ADSS1: variants seen among roughly 807,000 people sequenced by gnomAD.
The protein encoded by ADSS1 is adenylosuccinate synthetase isozyme 1.
In ADSS1, 57 loss-of-function variants were observed where a neutral mutation model predicts 59.1. The observed-to-expected ratio is 0.97, with a 90% CI of 0.78 to 1.20. The LOEUF (loss-of-function observed/expected upper bound fraction) is 1.20, where lower values mean the gene tolerates loss of function less well. ADSS1 is among the 50% of genes most tolerant of loss of function. The pLI is 0.00. For synonymous variants in ADSS1, 247 were observed against 249.4 expected, an observed-to-expected ratio of 0.99 and a Z score of 0.09; for missense variants, 603 against 610.3, an observed-to-expected ratio of 0.99 and a Z score of 0.13.
chr14:104,743,383 C>A lies in ADSS1; in HGVS notation c.1073+192C>A. ...GAGGCCTGTGCAGGGTGTGTTGGAG[C>A]CAGCCGTAGGAGCACAAACTCCCAC... On this transcript the variant is annotated intron_variant, in intron 10 of 12. Coordinates refer to ENST00000330877, the MANE Select transcript of ADSS1 (RefSeq NM_152328.5). 10 of 783,012 alleles carry A rather than the reference C, an allele frequency of 1.3e-5. No individual in the cohort carries two copies. The South Asian group carries it at 1.8e-4, about 14-fold the overall frequency. The allele number at this position is 783,012 out of a possible 1,614,324, so 48.5% of individuals were successfully genotyped here.
chr14:104,733,556 G>A lies in ADSS1; in HGVS notation c.193-1464G>A, dbSNP rs76821921. ...CACGGAGGGTCCTGCTTGGGCAGGC[G>A]GGGAAAGGCTATGTGAGACACCCCA... On this transcript the variant is annotated intron_variant, in intron 1 of 12. Coordinates refer to ENST00000330877, the MANE Select transcript of ADSS1 (RefSeq NM_152328.5). Among the ~76,000 whole-genome samples, 471 of 152,326 alleles carry A rather than the reference G, an allele frequency of 3.1e-3. 5 individuals are homozygous for A. The highest frequency in any genetic ancestry group is 0.011 in the African/African-American group (450 of 41,578).
In ADSS1 at chr14:104,741,057, ACG is replaced by A. The variant is rs967108766; in HGVS notation, c.667-58_667-57del. ...TTATGGGCTGGCCAACCTTCTTGGGACGCAGGCCTCCCCTGCCCCAGGCCACA... is the reference window on the plus strand; with the variant it reads ...TTATGGGCTGGCCAACCTTCTTGGGACAGGCCTCCCCTGCCCCAGGCCACA... On this transcript the variant is annotated intron_variant, in intron 7 of 12. Transcript: ENST00000330877. The A allele has an allele frequency of 4.5e-5, 72 of 1,584,492 alleles. No homozygotes were observed. In the African/African-American group the frequency reaches 6.3e-4, roughly 14 times the overall value.
chr14:104,746,270 G>A lies in ADSS1; in HGVS notation c.1206G>A (p.Glu402=). Reference sequence around the variant, plus strand: ...AGATGCTTCAGAAGGTCGAAGTTGAGTATGAAACGCTGCCTGGGTGGAAAG... The same window carrying A: ...AGATGCTTCAGAAGGTCGAAGTTGAATATGAAACGCTGCCTGGGTGGAAAG... ...NQEMLQKVEV[E]YETLPGWKAD... Residue 402 remains glutamate, a synonymous_variant, in exon 12 of 13, where the codon GAG becomes GAA. Transcript: ENST00000330877. 2 of 1,613,524 alleles carry A rather than the reference G, an allele frequency of 1.2e-6. No individual in the cohort carries two copies. Among genetic ancestry groups the A allele is most frequent in the Non-Finnish European group, 1.7e-6 (2 of 1,179,740 alleles).
intron 1 of ADSS1, among the ~76,000 whole-genome samples, chr14:104,731,490 G>A (rs1255784294): frequency 1.3e-5 from 2 of 152,168 alleles, no homozygotes; most frequent in African/African-American, 4.8e-5. Context: ...GCAGCAGTGG[G>A]CATCTTAGGT....
Position 104,741,339 on chromosome 14 carries a change from G to C in ADSS1, c.793+96G>C, listed in dbSNP as rs1259303826. 3.4e-6 allele frequency: 5 copies of C among 1,464,012 alleles called. No homozygotes were observed. In the African/African-American group the frequency reaches 5.7e-5, roughly 17 times the overall value. 90.7% of individuals were successfully genotyped at this position (1,464,012 alleles called of 1,614,324 possible). A position where few individuals can be genotyped will look rare whatever the true frequency, so the allele number is the denominator to read the frequency against. On this transcript the variant is annotated intron_variant, in intron 8 of 12. Coordinates refer to ENST00000330877, the MANE Select transcript of ADSS1 (RefSeq NM_152328.5). The stretch of plus-strand genomic sequence containing the variant: ...GTGGGAACCGATGGGGGAGGGAGGG[G>C]CAGACCCGCTTTCCAAGGCCACAGT...
At chr14:104,736,883 TATATATATATATATATATATA>T (rs1891149106) in intron 2 of ADSS1, among the ~76,000 whole-genome samples, 1 of 44,146 alleles carries the variant, frequency 2.3e-5, no homozygotes, top group African/African-American at 1.3e-4. Flanking sequence ...ACCTAGCTGA[TATATATATATATATATATATA>T]TATATATATG....
In ADSS1 at chr14:104,744,925, C is replaced by T; in HGVS notation, c.1171+16C>T. The T allele has an allele frequency of 6.2e-7, 1 of 1,611,144 alleles. No individual in the cohort carries two copies. Among genetic ancestry groups the T allele is most frequent in the Non-Finnish European group, 8.5e-7 (1 of 1,177,606 alleles). ...TATTTCCCAGGTATGTGAAGTGGGG[C>T]AACCGTTCTGCCTGTTGGGCCGTTT... is the stretch of plus-strand genomic sequence containing the variant. On this transcript the variant is annotated intron_variant, in intron 11 of 12. Transcript: ENST00000330877.
intron 8 of ADSS1, 31 bp downstream of exon 8, chr14:104,741,274 C>A: frequency 6.6e-7 from 1 of 1,525,326 alleles, no homozygotes; most frequent in Non-Finnish European, 8.8e-7. Flanking sequence ...GTGCCAACGA[C>A]CTTTCGTGCC....
chr14:104,735,041 A>G lies in ADSS1; in HGVS notation c.214A>G (p.Thr72Ala). ...RCQGGNNAGH[T>A]VVVDGKEYDF... ...CCAGGGGGGCAACAACGCCGGCCAC[A>G]CGGTGGTGGTGGATGGGAAAGAGTA... The change falls in exon 2 of 13, where the codon ACG becomes GCG. Residue 72 changes from threonine (T) to alanine (A), a missense_variant. Physicochemically the swap from Thr to Ala is moderately conservative, Grantham distance 58. Transcript: ENST00000330877. 1 of 1,613,374 alleles carries G rather than the reference A, an allele frequency of 6.2e-7. No homozygotes were observed. The highest frequency in any genetic ancestry group is 2.2e-5 in the East Asian group (1 of 44,858).
Position 104,733,668 on chromosome 14 carries a change from C to T in ADSS1, c.193-1352C>T, listed in dbSNP as rs879354051. 5.9e-5 allele frequency among the ~76,000 whole-genome samples: 9 copies of T among 152,094 alleles called. 1 individual carries two copies. The highest frequency in any genetic ancestry group is 3.9e-4 in the Admixed American group (6 of 15,280). ...GGTGTGGCTGGGAGAATCCCCCATG[C>T]GTAGACAAGTTGAGGGCTTTTCTGC... is the stretch of plus-strand genomic sequence containing the variant. On this transcript the variant is annotated intron_variant, in intron 1 of 12. Coordinates refer to ENST00000330877, the MANE Select transcript of ADSS1 (RefSeq NM_152328.5).
At position 104,729,915 on chromosome 14, in the gene ADSS1, TG is replaced by T. The variant is rs1890853802; in HGVS notation, c.193-5103del. ...GGCATGGTGGGGAGGAGCTGTGGGG[TG>T]GCAACCCAGAGGCAAGGAGGTGGGC... On this transcript the variant is annotated intron_variant, in intron 1 of 12. Transcript: ENST00000330877. The T allele has an allele frequency of 6.5e-7, 1 of 1,535,184 alleles. No homozygotes were observed. Among genetic ancestry groups the T allele is most frequent in the African/African-American group, 1.4e-5 (1 of 72,400 alleles).
rs1891286120 is a variant in ADSS1, at chr14:104,740,099, T to C, written c.476+283T>C. Among the ~76,000 whole-genome samples, 1 of 151,964 alleles carries C rather than the reference T, an allele frequency of 6.6e-6. No individual in the cohort carries two copies. Among genetic ancestry groups the C allele is most frequent in the Non-Finnish European group, 1.5e-5 (1 of 67,976 alleles). Reference sequence around the variant, plus strand: ...CCGTCACCTGTCACACCCACCACCTTTCCTGACTCCACACGGCCCCAGGGA... The same window carrying C: ...CCGTCACCTGTCACACCCACCACCTCTCCTGACTCCACACGGCCCCAGGGA... On this transcript the variant is annotated intron_variant, in intron 5 of 12. Coordinates refer to ENST00000330877, the MANE Select transcript of ADSS1 (RefSeq NM_152328.5). This position sits in a 1 kb window ranked among gnomAD's most constrained non-coding sequence, Gnocchi z 4.8.
At chr14:104,746,162 G>T in intron 11 of ADSS1, 74 bp from the exon 12 acceptor site, 1 of 1,527,238 alleles carries the variant, frequency 6.5e-7, no homozygotes, top group Non-Finnish European at 8.9e-7. Context: ...GGGGGTGGCC[G>T]TGTCACCAAA....
rs187754079 is a variant in ADSS1 at position 104,743,062 on chromosome 14, T to C, written c.949-5T>C. The C allele has an allele frequency of 1.9e-6, 3 of 1,612,802 alleles. No homozygotes were observed. Among genetic ancestry groups the C allele is most frequent in the African/African-American group, 2.7e-5 (2 of 75,046 alleles). ...TCACATGACGTCCTCCCTGTTCTCA[T>C]GTAGGAGATTGGAGGCCTGCTGCAG... On this transcript the variant is annotated splice_polypyrimidine_tract_variant and splice_region_variant and intron_variant, in intron 9 of 12. Coordinates refer to ENST00000330877, the MANE Select transcript of ADSS1 (RefSeq NM_152328.5).
At chr14:104,732,412 T>G (rs34022232) in intron 1 of ADSS1, among the ~76,000 whole-genome samples, 75,956 of 152,100 alleles carry the variant, frequency 0.5, 19,430 homozygotes, top group East Asian at 0.61. Context: ...GACAGACTGG[T>G]GTCTCTCTGG....
In ADSS1 at chr14:104,744,890, A is replaced by G; in HGVS notation, c.1152A>G (p.Lys384=). ...KVGVSYKLNG[K]RIPYFPANQE... is the part of the protein sequence containing the mutation. ...GTGTCTCATACAAGCTGAACGGGAA[A>G]AGGATTCCCTATTTCCCAGGTATGT... The change falls in exon 11 of 13, where the codon AAA becomes AAG. Residue 384 remains lysine (K), a synonymous_variant. Coordinates refer to ENST00000330877, the MANE Select transcript of ADSS1 (RefSeq NM_152328.5). 6.2e-7 allele frequency: 1 copy of G among 1,614,106 alleles called. No homozygotes were observed. The highest frequency in any genetic ancestry group is 8.5e-7 in the Non-Finnish European group (1 of 1,180,008).
intron 4 of ADSS1, 113 bp from the exon 5 acceptor site, chr14:104,739,637 C>A: frequency 8.0e-7 from 1 of 1,247,416 alleles, no homozygotes; most frequent in Admixed American, 1.9e-5. Flanking sequence ...TTTGAAATCT[C>A]AACCACCCCC....
intron 1 of ADSS1, chr14:104,729,935 G>C: frequency 6.4e-7 from 1 of 1,563,384 alleles, no homozygotes; most frequent in Non-Finnish European, 8.7e-7. Flanking sequence ...GAGGCAAGGA[G>C]GTGGGCAGAG....
chr14:104,736,025 T>A (rs1891107759), intron 2 of ADSS1, among the ~76,000 whole-genome samples: 1 of 152,198 alleles, frequency 6.6e-6, no homozygotes, highest in Non-Finnish European at 1.5e-5. Context: ...GCCCAGCAGA[T>A]GCATGGGCCT....
Sources: gnomAD v4.1 joint callset for allele counts (sites outside exome capture counted in the v4.1 genomes callset) on GRCh38, gnomAD v4.1.1 for gene constraint, Gnocchi (gnomAD v3.1) non-coding constraint, MANE v1.5 for transcripts, NCBI Gene and HGNC (gene_info 2026-07-23, HGNC 2026-07-21) for gene names.